Variants in SDHA observed in about 807,000 individuals in gnomAD.
SDHA encodes the protein succinate dehydrogenase [ubiquinone] flavoprotein subunit, mitochondrial.
A neutral mutation model predicts 78.4 loss-of-function variants in SDHA; 48 were observed. The observed-to-expected ratio is 0.61, with a 90% CI of 0.49 to 0.78. The LOEUF (loss-of-function observed/expected upper bound fraction) is 0.78, where lower values mean the gene tolerates loss of function less well. Ranked by LOEUF, SDHA falls within the 30% of genes least tolerant of loss-of-function variation. SDHA has a pLI of 0.00. For missense variants in SDHA, 680 were observed against 892.7 expected, an observed-to-expected ratio of 0.76 and a Z score of 3.04; for synonymous variants, 326 against 353.9, an observed-to-expected ratio of 0.92 and a Z score of 0.88.
intron 5 of SDHA, 141 bp downstream of exon 5, chr5:226,188 A>G: frequency 1.1e-6 from 1 of 940,464 alleles, no homozygotes; most frequent in South Asian, 1.4e-5. Flanking sequence ...GGGCGCATGC[A>G]GCGACTGTGG....
chr5:223,618 G>A (rs781400013), intron 2 of SDHA, 50 bp downstream of exon 2: 38 of 1,420,214 alleles, frequency 2.7e-5, no homozygotes, highest in Non-Finnish European at 3.6e-5. Flanking sequence ...TGGCTTAGGG[G>A]GTAAGGATCT....
At chr5:266,577 G>C in the SDHA span, among the ~76,000 whole-genome samples, 115 of 152,310 alleles carry the variant, frequency 7.6e-4, 1 homozygote, top group Middle Eastern at 0.01. Flanking sequence ...TGGGTTTCAA[G>C]GTTTTAAAGT....
intron 11 of SDHA, among the ~76,000 whole-genome samples, chr5:240,854 G>A (rs534554027): frequency 3.5e-4 from 54 of 152,248 alleles, no homozygotes; most frequent in Middle Eastern, 6.8e-3. Context: ...ACATGATTGC[G>A]TTCTTTTTTT....
At chr5:254,831 G>A (rs552049990) in intron 14 of SDHA, among the ~76,000 whole-genome samples, 55 of 152,190 alleles carry the variant, frequency 3.6e-4, no homozygotes, top group African/African-American at 1.3e-3. Context: ...TAGCGAGAAA[G>A]CATCTGTGGG....
chr5:223,164 C>T (rs767030617), intron 1 of SDHA, among the ~76,000 whole-genome samples: 2 of 152,204 alleles, frequency 1.3e-5, no homozygotes, highest in Admixed American at 6.5e-5. Context: ...AAGTAGCATA[C>T]ATTAAGACTT....
chr5:242,294 G>C (rs1055931899), intron 11 of SDHA, among the ~76,000 whole-genome samples: 8 of 152,232 alleles, frequency 5.3e-5, no homozygotes, highest in Admixed American at 4.6e-4. Context: ...CACGCTAGAA[G>C]GCTGTTGGTT....
intron 1 of SDHA, among the ~76,000 whole-genome samples, chr5:223,150 C>T (rs1370813022): frequency 6.6e-6 from 1 of 152,208 alleles, no homozygotes; most frequent in East Asian, 1.9e-4. Context: ...TCCCCTTCTC[C>T]ACTAAGTAGC....
At chr5:262,540 T>G in the SDHA span, among the ~76,000 whole-genome samples, 4 of 136,600 alleles carry the variant, frequency 2.9e-5, no homozygotes, top group Non-Finnish European at 6.0e-5. Flanking sequence ...CTTATGAAAA[T>G]CTAATGCTGA....
At chr5:226,439 C>T (rs986293976) in intron 5 of SDHA, among the ~76,000 whole-genome samples, 1 of 151,998 alleles carries the variant, frequency 6.6e-6, no homozygotes, top group African/African-American at 2.4e-5. Flanking sequence ...TGAGACCAGC[C>T]TGGACAACAT....
chr5:265,829 A>T, the SDHA span, among the ~76,000 whole-genome samples: 1 of 144,734 alleles, frequency 6.9e-6, no homozygotes. Context: ...TCAAAAAAAA[A>T]AAAAGAGTTG....
the SDHA span, among the ~76,000 whole-genome samples, chr5:266,113 C>T: frequency 6.6e-6 from 1 of 152,170 alleles, no homozygotes; most frequent in African/African-American, 2.4e-5. Context: ...TGTCCAGGGA[C>T]CACAGTTTGA....
the SDHA span, among the ~76,000 whole-genome samples, chr5:265,820 CAA>C: frequency 7.1e-6 from 1 of 141,810 alleles, no homozygotes; most frequent in African/African-American, 2.6e-5. Flanking sequence ...GATTCTGTCT[CAA>C]AAAAAAAAAA....
chr5:265,854 C>CT, the SDHA span, among the ~76,000 whole-genome samples: 35,269 of 149,790 alleles, frequency 0.24, 6,694 homozygotes, highest in African/African-American at 0.52. Flanking sequence ...ATTGCCACCC[C>CT]AATGCTGTGG....
At chr5:258,554 G>A (rs1447670088), downstream of SDHA, among the ~76,000 whole-genome samples, 1 of 125,408 alleles carries the variant, frequency 8.0e-6, no homozygotes, top group Non-Finnish European at 1.6e-5. Flanking sequence ...TCCTCTCAGA[G>A]CCTTGCCGTG....
At chr5:257,502 C>CAG (rs113834887), downstream of SDHA, among the ~76,000 whole-genome samples, 1 of 95,210 alleles carries the variant, frequency 1.1e-5, no homozygotes, top group African/African-American at 3.1e-5. Context: ...CAGAGCGTTA[C>CAG]CGTGAGCTCC....
chr5:234,770 C>A, intron 8 of SDHA: 1 of 318,176 alleles, frequency 3.1e-6, no homozygotes, highest in Non-Finnish European at 6.1e-6. Flanking sequence ...CTTGAGCATC[C>A]ACGGATTTTG....
At chr5:222,575 G>C (rs544381936) in intron 1 of SDHA, among the ~76,000 whole-genome samples, 4 of 152,184 alleles carry the variant, frequency 2.6e-5, no homozygotes, top group African/African-American at 9.6e-5. Flanking sequence ...CCTGACTTCA[G>C]GTGATCCACC....
At chr5:228,657 CTT>C (rs1560990302) in intron 6 of SDHA, among the ~76,000 whole-genome samples, 2 of 152,170 alleles carry the variant, frequency 1.3e-5, no homozygotes, top group Admixed American at 1.3e-4. Flanking sequence ...CAAAATCTCT[CTT>C]GTTTTAGTGG....
intron 11 of SDHA, among the ~76,000 whole-genome samples, 153 bp downstream of exon 11, chr5:240,629 C>T (rs574447470): frequency 5.3e-5 from 8 of 152,222 alleles, no homozygotes; most frequent in East Asian, 1.9e-4. Context: ...TTCATGTACC[C>T]GTCACACAAG....
Sources: allele counts gnomAD v4.1 joint callset (sites outside exome capture counted in the v4.1 genomes callset), GRCh38; gene constraint gnomAD v4.1.1; transcripts MANE v1.5; gene names NCBI Gene and HGNC (gene_info 2026-07-23, HGNC 2026-07-21).